CDH12: variants seen among roughly 807,000 people sequenced by gnomAD.
CDH12 encodes the protein cadherin-12.
A neutral mutation model predicts 74.1 loss-of-function variants in CDH12; 41 were observed. That is an observed-to-expected ratio of 0.55 (90% confidence interval 0.43 to 0.72). The LOEUF (loss-of-function observed/expected upper bound fraction) is 0.72, where lower values mean the gene tolerates loss of function less well. Among genes scored for constraint, CDH12 ranks in the 30% least tolerant of loss-of-function variants. The pLI is 0.00. For missense variants in CDH12, 945 were observed against 977.2 expected (o/e 0.97, Z 0.44); for synonymous variants, 399 against 355.0 (o/e 1.12, Z -1.39).
At chr5:21,880,616 C>CTTCTTTCTTTCTTTCTTTCTTTCTTTCT in intron 6 of CDH12, among the ~76,000 whole-genome samples, 1 of 50,866 alleles carries the variant, frequency 2.0e-5, no homozygotes, top group East Asian at 6.4e-4. Flanking sequence ...TCCTTCCTTC[C>CTTCTTTCTTTCTTTCTTTCTTTCTTTCT]TTCTTTCTTT....
rs76591038 is a variant in CDH12 at position 21,907,007 on chromosome 5, T to C, written c.527-52217A>G. Among the ~76,000 whole-genome samples the C allele has an allele frequency of 2.4e-4, 37 of 152,264 alleles. 1 individual carries two copies. The East Asian group carries it at 5.2e-3, about 22-fold the overall frequency. The stretch of plus-strand genomic sequence containing the variant: ...TTCTGTCTTGGTAGAGCCCAGCTCC[T>C]GTGAAAAGCAGCAGCGACTGCGCTA... On this transcript the variant is annotated intron_variant, in intron 6 of 14. Transcript: ENST00000382254.
Position 22,575,561 on chromosome 5 carries a change from T to C in CDH12, c.-522-70197A>G, listed in dbSNP as rs141938630. Among the ~76,000 whole-genome samples the C allele has an allele frequency of 6.6e-3, 1,000 of 152,076 alleles. 10 individuals carry two copies. The highest frequency in any genetic ancestry group is 0.022 in the African/African-American group (920 of 41,490). On this transcript the variant is annotated intron_variant, in intron 1 of 14. Coordinates refer to ENST00000382254, the MANE Select transcript of CDH12 (RefSeq NM_004061.5). ...GCATGTGTCATCATGCCTGGCTAGT[T>C]CTTTTATTTATTTATTTATTTGAGA...
chr5:22,021,386 A>G (rs2150161753), intron 5 of CDH12, among the ~76,000 whole-genome samples: 1 of 152,300 alleles, frequency 6.6e-6, no homozygotes, highest in Non-Finnish European at 1.5e-5. Context: ...CAGAGGAAGA[A>G]ATATGAATAG....
chr5:22,305,082 A>C (rs1412421381), intron 3 of CDH12, among the ~76,000 whole-genome samples: 1 of 145,110 alleles, frequency 6.9e-6, no homozygotes, highest in Non-Finnish European at 1.5e-5. Context: ...TAATTTTTTT[A>C]AAAGCCTCTA....
At chr5:22,416,328 G>A (rs1743390443) in intron 2 of CDH12, among the ~76,000 whole-genome samples, 1 of 151,858 alleles carries the variant, frequency 6.6e-6, no homozygotes, top group South Asian at 2.1e-4. Context: ...GCCCGCCTCG[G>A]CCTCCCAAAG....
chr5:21,848,822 T>C (rs2149994605), intron 7 of CDH12, among the ~76,000 whole-genome samples: 1 of 151,966 alleles, frequency 6.6e-6, no homozygotes, highest in South Asian at 2.1e-4. Context: ...TGTCCCATAG[T>C]AGCATCAGAG....
intron 1 of CDH12, among the ~76,000 whole-genome samples, chr5:22,607,185 G>A (rs1446068407): frequency 6.6e-6 from 1 of 152,156 alleles, no homozygotes; most frequent in Non-Finnish European, 1.5e-5. Flanking sequence ...CCTATTTTCT[G>A]GGGAGAAATT....
intron 8 of CDH12, among the ~76,000 whole-genome samples, chr5:21,838,625 A>C (rs1749672579): frequency 6.6e-6 from 1 of 152,102 alleles, no homozygotes; most frequent in African/African-American, 2.4e-5. Context: ...TTGCAAGTAC[A>C]TCTCAGAGAC....
chr5:22,794,734 C>T (rs1748099649), intron 1 of CDH12, among the ~76,000 whole-genome samples: 1 of 152,098 alleles, frequency 6.6e-6, no homozygotes, highest in South Asian at 2.1e-4. Context: ...ATCCCTGAAA[C>T]CTGTGAATAT....
chr5:21,791,399 G>A (rs376791451), intron 10 of CDH12, among the ~76,000 whole-genome samples: 1 of 152,152 alleles, frequency 6.6e-6, no homozygotes, highest in African/African-American at 2.4e-5. Context: ...CTCACAGAGT[G>A]AAACATCGTG....
At chr5:21,960,612 T>C (rs1230281388) in intron 6 of CDH12, among the ~76,000 whole-genome samples, 1 of 152,174 alleles carries the variant, frequency 6.6e-6, no homozygotes, top group African/African-American at 2.4e-5. Flanking sequence ...AAAATCAGAC[T>C]GTAAAAAGTC....
At chr5:21,898,420 A>G (rs1336133936) in intron 6 of CDH12, among the ~76,000 whole-genome samples, 2 of 151,998 alleles carry the variant, frequency 1.3e-5, no homozygotes, top group Admixed American at 6.6e-5. Context: ...TATTTGAGAA[A>G]GGCCAGGCGC....
At chr5:22,578,250 C>A (rs893056652) in intron 1 of CDH12, among the ~76,000 whole-genome samples, 1 of 152,006 alleles carries the variant, frequency 6.6e-6, no homozygotes, top group Non-Finnish European at 1.5e-5. Context: ...CAATGTTTTC[C>A]TTCAAGACTT....
intron 5 of CDH12, among the ~76,000 whole-genome samples, chr5:22,059,231 T>C (rs1268628331): frequency 6.6e-6 from 1 of 151,948 alleles, no homozygotes; most frequent in Non-Finnish European, 1.5e-5. Context: ...TGGTTTATTT[T>C]CAAAGTTCAG....
At chr5:21,806,872 C>T (rs1747455213) in intron 9 of CDH12, among the ~76,000 whole-genome samples, 1 of 152,192 alleles carries the variant, frequency 6.6e-6, no homozygotes, top group South Asian at 2.1e-4. Context: ...TAACTTTGAA[C>T]CAAGGATGAT....
Position 22,698,705 on chromosome 5 carries a change from A to G in CDH12, c.-523+154353T>C, listed in dbSNP as rs1397194276. Among the ~76,000 whole-genome samples the G allele has an allele frequency of 3.5e-3, 81 of 23,100 alleles. 1 individual carries two copies. The highest frequency in any genetic ancestry group is 0.013 in the South Asian group (4 of 314). 15.2% of individuals were successfully genotyped at this position (23,100 alleles called of 152,430 possible). On this transcript the variant is annotated intron_variant, in intron 1 of 14. Coordinates refer to ENST00000382254, the MANE Select transcript of CDH12 (RefSeq NM_004061.5). ...TATATATATATATATATATATATAT[A>G]TATATATATATATATATATATATAT...
At chr5:22,349,795 C>T (rs886319831) in intron 3 of CDH12, among the ~76,000 whole-genome samples, 7 of 152,220 alleles carry the variant, frequency 4.6e-5, no homozygotes, top group East Asian at 1.9e-4. Context: ...AGTGCAGTGG[C>T]GCAATCTCGG....
chr5:22,094,865 C>A (rs1474099826), intron 4 of CDH12, among the ~76,000 whole-genome samples: 1 of 152,186 alleles, frequency 6.6e-6, no homozygotes, highest in Non-Finnish European at 1.5e-5. Flanking sequence ...TTGTGACCCC[C>A]ACTCCTGCAC....
chr5:22,613,785 T>C (rs974847866), intron 1 of CDH12, among the ~76,000 whole-genome samples: 7 of 152,090 alleles, frequency 4.6e-5, no homozygotes, highest in African/African-American at 1.7e-4. Context: ...AAGAAGATGT[T>C]GGCTAAATAT....
Sources: allele counts gnomAD v4.1 joint callset (sites outside exome capture counted in the v4.1 genomes callset), GRCh38; gene constraint gnomAD v4.1.1; transcripts MANE v1.5; gene names NCBI Gene and HGNC (gene_info 2026-07-23, HGNC 2026-07-21).